MAGI3: variants seen among roughly 807,000 people sequenced by gnomAD.
The protein encoded by MAGI3 is membrane-associated guanylate kinase, WW and PDZ domain-containing protein 3.
MAGI3 carries 43 observed loss-of-function variants against 121.8 expected under a neutral mutation model. The ratio of observed to expected loss-of-function variants is 0.35; its 90% CI spans 0.28 to 0.46. The LOEUF is 0.46. MAGI3 is among the 20% of genes least tolerant of loss of function. The pLI is 1.00. For missense variants in MAGI3, 1,547 were observed against 1,797.3 expected (o/e 0.86, Z 2.52); for synonymous variants, 553 against 639.3 (o/e 0.86, Z 2.04).
At chr1:113,418,337 A>C (rs565378965) in intron 1 of MAGI3, among the ~76,000 whole-genome samples, 34 of 152,124 alleles carry the variant, frequency 2.2e-4, no homozygotes, top group African/African-American at 7.9e-4. Flanking sequence ...CCCTACTTGA[A>C]ATTTTCCACA....
At chr1:113,627,544 T>C (rs958635133) in intron 9 of MAGI3, among the ~76,000 whole-genome samples, 2 of 149,820 alleles carry the variant, frequency 1.3e-5, no homozygotes, top group African/African-American at 2.4e-5. Flanking sequence ...TATTATTGTA[T>C]TGAGGTCTAT....
rs377382529 is a variant in MAGI3 at position 113,672,561 on chromosome 1, G to T, written c.2919-54G>T. On this transcript the variant is annotated intron_variant, in intron 17 of 20. Coordinates refer to ENST00000307546, the MANE Select transcript of MAGI3 (RefSeq NM_001142782.2). ...AAGAAAAGAAATTAATCTGCCTTTA[G>T]ACTGTTTTTCATTTTCTCAGTTCAG... The T allele has an allele frequency of 3.7e-5, 58 of 1,570,626 alleles. 1 individual carries two copies. The East Asian group carries it at 4.8e-4, about 13-fold the overall frequency.
intron 2 of MAGI3, among the ~76,000 whole-genome samples, chr1:113,553,661 C>T (rs1659871682): frequency 6.6e-6 from 1 of 152,096 alleles, no homozygotes; most frequent in African/African-American, 2.4e-5. Context: ...ATGCATGCAA[C>T]TTAACTGCTA....
chr1:113,638,664 C>T (rs1487628174), intron 9 of MAGI3, among the ~76,000 whole-genome samples: 2 of 152,234 alleles, frequency 1.3e-5, no homozygotes, highest in Non-Finnish European at 2.9e-5. Flanking sequence ...CCCAGTTAGG[C>T]TGCTCAGGGG....
chr1:113,443,536 C>T (rs1437478451), intron 1 of MAGI3, among the ~76,000 whole-genome samples: 1 of 152,110 alleles, frequency 6.6e-6, no homozygotes, highest in African/African-American at 2.4e-5. Context: ...ATAATCTTTA[C>T]CTTGTATAAA....
chr1:113,556,733 T>G lies in MAGI3; in HGVS notation c.433+7102T>G, dbSNP rs578127515. On this transcript the variant is annotated intron_variant, in intron 2 of 20. Coordinates refer to ENST00000307546, the MANE Select transcript of MAGI3 (RefSeq NM_001142782.2). ...GTGTGCCACCATGCCCAGCTAATTT[T>G]TTTTTAATTCTTATTAGAGACGACA... Among the ~76,000 whole-genome samples, 31 of 152,146 alleles carry G rather than the reference T, an allele frequency of 2.0e-4. No homozygotes were observed. The South Asian group carries it at 5.2e-3, about 26-fold the overall frequency.
chr1:113,531,437 A>G (rs1570809255), intron 1 of MAGI3, among the ~76,000 whole-genome samples: 1 of 152,102 alleles, frequency 6.6e-6, no homozygotes, highest in African/African-American at 2.4e-5. Context: ...ATCTGCTTCT[A>G]CCACCCTACC....
chr1:113,395,087 G>GTTTTTTTTTTTTTTTTTTTTTTTTTTT (rs139532433), intron 1 of MAGI3, among the ~76,000 whole-genome samples: 1 of 33,244 alleles, frequency 3.0e-5, no homozygotes, highest in Non-Finnish European at 5.1e-5. Context: ...CTTTTTGTTA[G>GTTTTTTTTTTTTTTTTTTTTTTTTTTT]TTTTTTTTTT....
intron 3 of MAGI3, among the ~76,000 whole-genome samples, chr1:113,584,570 G>C (rs1366016868): frequency 2.0e-5 from 3 of 152,146 alleles, no homozygotes; most frequent in African/African-American, 7.2e-5. Context: ...ATTTTTATAT[G>C]ATCTGGTTAG....
chr1:113,513,654 G>A (rs1297581348), intron 1 of MAGI3, among the ~76,000 whole-genome samples: 11 of 152,054 alleles, frequency 7.2e-5, no homozygotes, highest in Non-Finnish European at 1.3e-4. Flanking sequence ...TTAAACGTTA[G>A]ACCTAAAACC....
chr1:113,506,729 G>C (rs915851705), intron 1 of MAGI3, among the ~76,000 whole-genome samples: 1 of 152,212 alleles, frequency 6.6e-6, no homozygotes, highest in Admixed American at 6.5e-5. Context: ...CTTATAGGAA[G>C]AAGTATAGGC....
intron 6 of MAGI3, among the ~76,000 whole-genome samples, chr1:113,614,044 C>T (rs1650315077): frequency 6.6e-6 from 1 of 152,100 alleles, no homozygotes; most frequent in Non-Finnish European, 1.5e-5. Flanking sequence ...TTACACAAAG[C>T]ACTGTGGTAG....
Position 113,685,779 on chromosome 1 carries a change from C to T in MAGI3, c.*1765C>T, listed in dbSNP as rs912500110. 1 of 152,152 alleles carries T rather than the reference C, an allele frequency of 6.6e-6. No homozygotes were observed. Among genetic ancestry groups the T allele is most frequent in the African/African-American group, 2.4e-5 (1 of 41,370 alleles). 9.4% of individuals were successfully genotyped at this position (152,152 alleles called of 1,614,324 possible). A position where few individuals can be genotyped will look rare whatever the true frequency, so the allele number is the denominator to read the frequency against. ...ATTATATACTGACTTAGCAATGTGG[C>T]CTTGGAATGCTGAGCAAAATGTGGA... is the stretch of plus-strand genomic sequence containing the variant. On this transcript the variant is annotated 3_prime_UTR_variant, in exon 21 of 21. Transcript: ENST00000307546.
Position 113,585,530 on chromosome 1 carries a change from G to T in MAGI3, c.697G>T (p.Asp233Tyr), listed in dbSNP as rs200987799. The change falls in exon 4 of 21, where the codon GAT becomes TAT. Residue 233 changes from aspartate (D) to tyrosine (Y), a missense_variant. Coordinates refer to ENST00000307546, the MANE Select transcript of MAGI3 (RefSeq NM_001142782.2). Reference protein sequence around the residue: ...TTSVSKMERMDSSLPEEEEDE... With the variant: ...TTSVSKMERMYSSLPEEEEDE... ...ATCTGTCAGCAAGATGGAAAGAATG[G>T]ATAGCTCTCTTCCTGAAGAGGAAGA... 1.4e-5 allele frequency: 23 copies of T among 1,614,000 alleles called. No individual in the cohort carries two copies. Among genetic ancestry groups the T allele is most frequent in the Non-Finnish European group, 1.9e-5 (23 of 1,180,008 alleles).
rs145579856 is a variant in MAGI3, at chr1:113,523,159, C to T, written c.317-26356C>T. Among the ~76,000 whole-genome samples, 573 of 152,268 alleles carry T rather than the reference C, an allele frequency of 3.8e-3. 4 individuals carry two copies. Among genetic ancestry groups the T allele is most frequent in the African/African-American group, 0.013 (533 of 41,548 alleles). The stretch of plus-strand genomic sequence containing the variant: ...GTGAGACGTGCCTTTCACCTTCCGC[C>T]GTGACTGTGAGGCCTCCCCAGCCAC... On this transcript the variant is annotated intron_variant, in intron 1 of 20. Coordinates refer to ENST00000307546, the MANE Select transcript of MAGI3 (RefSeq NM_001142782.2).
chr1:113,661,273 TC>T (rs1189774097), intron 16 of MAGI3, among the ~76,000 whole-genome samples: 1 of 152,182 alleles, frequency 6.6e-6, no homozygotes, highest in African/African-American at 2.4e-5. Context: ...TGTTTAAATC[TC>T]ACTTCCCAAG....
intron 9 of MAGI3, among the ~76,000 whole-genome samples, chr1:113,628,075 G>A (rs1651352044): frequency 6.6e-6 from 1 of 151,852 alleles, no homozygotes; most frequent in Non-Finnish European, 1.5e-5. Context: ...TTTGTTTTCT[G>A]GTTGTTTTGT....
At chr1:113,579,480 C>G (rs1647871177) in intron 2 of MAGI3, among the ~76,000 whole-genome samples, 1 of 152,104 alleles carries the variant, frequency 6.6e-6, no homozygotes, top group African/African-American at 2.4e-5. Context: ...TCACAAAGGG[C>G]TTTGTAAAAT....
chr1:113,425,234 G>A (rs1257697123), intron 1 of MAGI3, among the ~76,000 whole-genome samples: 1 of 150,732 alleles, frequency 6.6e-6, no homozygotes, highest in Non-Finnish European at 1.5e-5. Flanking sequence ...GGCTAGGCCT[G>A]GAGATTTCTT....
Sources: gnomAD v4.1 joint callset for allele counts (sites outside exome capture counted in the v4.1 genomes callset) on GRCh38, gnomAD v4.1.1 for gene constraint, MANE v1.5 for transcripts, NCBI Gene and HGNC (gene_info 2026-07-23, HGNC 2026-07-21) for gene names.